Variants in ITPR2 observed in about 807,000 individuals in gnomAD.
ITPR2 encodes the protein inositol 1,4,5-trisphosphate receptor type 2.
In ITPR2, 207 loss-of-function variants were observed where a neutral mutation model predicts 317.1. That is an observed-to-expected ratio of 0.65 (90% CI 0.58 to 0.73). ITPR2 has a LOEUF of 0.73. Ranked by LOEUF, ITPR2 falls within the 30% of genes least tolerant of loss-of-function variation. ITPR2 has a pLI of 0.00. For synonymous variants in ITPR2, 1,156 were observed against 1,149.1 expected, an observed-to-expected ratio of 1.01 and a Z score of -0.12; for missense variants, 2,613 against 3,284.0, an observed-to-expected ratio of 0.80 and a Z score of 4.99.
chr12:26,397,225 C>T (rs1940029021), intron 54 of ITPR2, among the ~76,000 whole-genome samples: 1 of 152,138 alleles, frequency 6.6e-6, no homozygotes, highest in Admixed American at 6.6e-5. Flanking sequence ...AACCTCATCT[C>T]TTAGCACGCC....
chr12:26,758,622 G>A (rs749943874), intron 2 of ITPR2, among the ~76,000 whole-genome samples: 14 of 152,192 alleles, frequency 9.2e-5, no homozygotes, highest in South Asian at 2.1e-4. Context: ...ATTAGGCACT[G>A]GAATGAGAAG....
chr12:26,620,502 C>T (rs1207110403), intron 26 of ITPR2, among the ~76,000 whole-genome samples: 2 of 152,152 alleles, frequency 1.3e-5, no homozygotes, highest in Non-Finnish European at 2.9e-5. Context: ...GATGTTGGTA[C>T]TAGTGTGCTT....
At chr12:26,522,066 T>C (rs1305621299) in intron 37 of ITPR2, among the ~76,000 whole-genome samples, 1 of 152,222 alleles carries the variant, frequency 6.6e-6, no homozygotes. Context: ...TCTAGCAAGA[T>C]ATATTTTCTA....
rs759121207 is a variant in ITPR2 at position 26,400,251 on chromosome 12, T to C, written c.7407A>G (p.Glu2469=). 1 of 1,544,618 alleles carries C rather than the reference T, an allele frequency of 6.5e-7. No homozygotes were observed. The highest frequency in any genetic ancestry group is 1.8e-5 in the Admixed American group (1 of 56,162). The change falls in exon 53 of 57, where the codon GAA becomes GAG. Residue 2469 remains glutamate, a synonymous_variant. Transcript: ENST00000381340. ...PTIPASNTAD[E]EYEDGIERTC... is the part of the protein sequence containing the mutation. Reference sequence around the variant, plus strand: ...TCCTTTCAATTCCATCTTCATACTCTTCATCAGCTATAAAAACACATACAA... The same window carrying C: ...TCCTTTCAATTCCATCTTCATACTCCTCATCAGCTATAAAAACACATACAA...
chr12:26,768,968 T>C (rs1023679986), intron 2 of ITPR2, among the ~76,000 whole-genome samples: 2 of 146,314 alleles, frequency 1.4e-5, no homozygotes, highest in Non-Finnish European at 3.0e-5. Flanking sequence ...CTCTGTAAGT[T>C]TGACCACCTC....
chr12:26,564,681 A>G (rs753707841), intron 34 of ITPR2, among the ~76,000 whole-genome samples: 1 of 152,192 alleles, frequency 6.6e-6, no homozygotes, highest in Admixed American at 6.5e-5. Flanking sequence ...ATGGAGGAAG[A>G]GAATGGATTT....
chr12:26,423,903 A>G (rs1241455247), intron 49 of ITPR2, among the ~76,000 whole-genome samples: 4 of 152,328 alleles, frequency 2.6e-5, no homozygotes, highest in East Asian at 3.9e-4. Context: ...TCCTAGTTTT[A>G]GAAATGAATA....
In ITPR2 at chr12:26,339,316, C is replaced by A. The variant is rs1342034475; in HGVS notation, c.*81G>T. On this transcript the variant is annotated 3_prime_UTR_variant, in exon 57 of 57. Transcript: ENST00000381340. ...TAACTTTTCAACAATAGGCACTGTT[C>A]ACTCCCCTCCATCTCAGTTCTTTAT... 3.3e-6 allele frequency: 4 copies of A among 1,225,012 alleles called. No homozygotes were observed. Among genetic ancestry groups the A allele is most frequent in the Non-Finnish European group, 4.8e-6 (4 of 836,250 alleles). 75.9% of individuals were successfully genotyped at this position (1,225,012 alleles called of 1,614,324 possible). A position where few individuals can be genotyped will look rare whatever the true frequency, so the allele number is the denominator to read the frequency against.
intron 55 of ITPR2, among the ~76,000 whole-genome samples, chr12:26,343,187 C>A (rs377042115): frequency 1.9e-4 from 29 of 152,252 alleles, no homozygotes; most frequent in African/African-American, 6.7e-4. Flanking sequence ...TTCACAGCAA[C>A]ACAAAACAGA....
chr12:26,826,899 C>T (rs1951016774), intron 1 of ITPR2, among the ~76,000 whole-genome samples: 1 of 152,206 alleles, frequency 6.6e-6, no homozygotes, highest in African/African-American at 2.4e-5. Flanking sequence ...CTCTGTGGTA[C>T]CTGACCATTG....
intron 55 of ITPR2, among the ~76,000 whole-genome samples, chr12:26,376,298 A>T (rs952364211): frequency 2.6e-5 from 4 of 152,204 alleles, no homozygotes; most frequent in Admixed American, 6.5e-5. Context: ...CTTAGGCACT[A>T]TAAGCCAAAC....
intron 37 of ITPR2, among the ~76,000 whole-genome samples, chr12:26,516,325 A>AAGGGAAG (rs1943515039): frequency 6.8e-6 from 1 of 146,118 alleles, no homozygotes; most frequent in African/African-American, 2.5e-5. Flanking sequence ...AGGAAAGGAA[A>AAGGGAAG]GGAAAGGAAA....
chr12:26,675,853 TA>T (rs1171491143), intron 13 of ITPR2, among the ~76,000 whole-genome samples: 1 of 152,246 alleles, frequency 6.6e-6, no homozygotes, highest in African/African-American at 2.4e-5. Flanking sequence ...AACATCTCTA[TA>T]AAGTATCACT....
chr12:26,339,341 T>G lies in ITPR2; in HGVS notation c.*56A>C, dbSNP rs921050879. 7.0e-7 allele frequency: 1 copy of G among 1,433,170 alleles called. No individual in the cohort carries two copies. Among genetic ancestry groups the G allele is most frequent in the Non-Finnish European group, 9.8e-7 (1 of 1,017,860 alleles). 88.8% of individuals were successfully genotyped at this position (1,433,170 alleles called of 1,614,324 possible). On this transcript the variant is annotated 3_prime_UTR_variant, in exon 57 of 57. Coordinates refer to ENST00000381340, the MANE Select transcript of ITPR2 (RefSeq NM_002223.4). ...CACTCCCCTCCATCTCAGTTCTTTA[T>G]TCAGTGATCAGGCAGGACACTGATG...
chr12:26,833,154 T>G lies in ITPR2; in HGVS notation c.-373A>C, dbSNP rs569378931. 3.9e-4 allele frequency: 87 copies of G among 222,930 alleles called. No homozygotes were observed. Among genetic ancestry groups the G allele is most frequent in the South Asian group, 3.1e-3 (51 of 16,442 alleles). The allele number at this position is 222,930 out of a possible 1,614,324, so 13.8% of individuals were successfully genotyped here. On this transcript the variant is annotated 5_prime_UTR_variant, in exon 1 of 57. Transcript: ENST00000381340. The stretch of plus-strand genomic sequence containing the variant: ...CCCACTCCGTGTCCACTCCCTGCTC[T>G]GCGACCCGCTGCGGCCGTCACAGCC...
chr12:26,574,750 T>C (rs1178924292), intron 34 of ITPR2, among the ~76,000 whole-genome samples: 1 of 152,056 alleles, frequency 6.6e-6, no homozygotes, highest in Non-Finnish European at 1.5e-5. Context: ...AAGCTTCCAC[T>C]CGTGGTGGAA....
chr12:26,601,528 A>T (rs2136744273), intron 28 of ITPR2, among the ~76,000 whole-genome samples: 1 of 152,348 alleles, frequency 6.6e-6, no homozygotes, highest in South Asian at 2.1e-4. Flanking sequence ...GTTAGAAGAC[A>T]GATAGTCTAG....
At chr12:26,415,253 C>T (rs1415490425) in intron 51 of ITPR2, 50 bp downstream of exon 51, 29 of 1,208,786 alleles carry the variant, frequency 2.4e-5, no homozygotes, top group Non-Finnish European at 3.3e-5. Context: ...AAGCTACACA[C>T]AAGTCATATC....
chr12:26,393,972 T>C (rs1389653410), intron 54 of ITPR2, among the ~76,000 whole-genome samples: 1 of 152,182 alleles, frequency 6.6e-6, no homozygotes, highest in Admixed American at 6.5e-5. Context: ...TAAGCAAATA[T>C]TTATGGATAT....
Sources: allele counts gnomAD v4.1 joint callset (sites outside exome capture counted in the v4.1 genomes callset), GRCh38; gene constraint gnomAD v4.1.1; transcripts MANE v1.5; gene names NCBI Gene and HGNC (gene_info 2026-07-23, HGNC 2026-07-21).